The following SDK1 variants were observed in gnomAD, a reference collection of about 807,000 sequenced individuals.
SDK1 encodes sidekick cell adhesion molecule 1.
SDK1 carries 157 observed loss-of-function variants against 245.5 expected under a neutral mutation model. That is an observed-to-expected ratio of 0.64 (90% CI 0.56 to 0.73). The LOEUF (loss-of-function observed/expected upper bound fraction) is 0.73, where lower values mean the gene tolerates loss of function less well. Among genes scored for constraint, SDK1 ranks in the 30% least tolerant of loss-of-function variants. The pLI is 0.00. For missense variants in SDK1, 3,583 were observed against 3,002.3 expected (o/e 1.19, Z -4.52); for synonymous variants, 1,647 against 1,278.5 (o/e 1.29, Z -6.15).
intron 4 of SDK1, among the ~76,000 whole-genome samples, chr7:3,752,056 C>T (rs1283318162): frequency 1.3e-5 from 2 of 152,178 alleles, no homozygotes; most frequent in Non-Finnish European, 2.9e-5. Context: ...CATTTCAGAA[C>T]AAGCTTTTGG....
chr7:3,692,396 A>G (rs1419603023), intron 4 of SDK1, among the ~76,000 whole-genome samples: 3 of 152,054 alleles, frequency 2.0e-5, no homozygotes, highest in Non-Finnish European at 4.4e-5. Flanking sequence ...TGTATTTAGA[A>G]TTTGGGATCA....
chr7:3,961,116 A>G (rs1462896761), intron 8 of SDK1, among the ~76,000 whole-genome samples: 1 of 152,234 alleles, frequency 6.6e-6, no homozygotes, highest in Non-Finnish European at 1.5e-5. Flanking sequence ...AAATATAGAG[A>G]CAACAGATCT....
intron 5 of SDK1, among the ~76,000 whole-genome samples, chr7:3,853,220 G>C (rs1406432313): frequency 6.6e-6 from 1 of 152,116 alleles, no homozygotes; most frequent in Non-Finnish European, 1.5e-5. Context: ...CCATTGCAAA[G>C]ATGGAAAGTA....
At chr7:3,912,293 C>T (rs532997052) in intron 5 of SDK1, among the ~76,000 whole-genome samples, 2 of 152,274 alleles carry the variant, frequency 1.3e-5, no homozygotes, top group South Asian at 2.1e-4. Context: ...AATTTGCTTT[C>T]AGATGCTAAT....
chr7:3,639,153 G>A (rs1782566687), intron 3 of SDK1, 43 bp downstream of exon 3: 1 of 1,122,942 alleles, frequency 8.9e-7, no homozygotes, highest in Non-Finnish European at 1.3e-6. Flanking sequence ...AAAGAACAAA[G>A]TGTCGCTGGG....
chr7:3,584,770 C>A (rs1006795007), intron 1 of SDK1, among the ~76,000 whole-genome samples: 1 of 151,098 alleles, frequency 6.6e-6, no homozygotes, highest in South Asian at 2.1e-4. Flanking sequence ...GTCCCCCAGG[C>A]TGGAGTGCAG....
chr7:3,307,723 A>G (rs1020821437), intron 1 of SDK1, among the ~76,000 whole-genome samples: 3 of 152,178 alleles, frequency 2.0e-5, no homozygotes, highest in Admixed American at 2.0e-4. Flanking sequence ...TGGAAAAGAC[A>G]TTGGGCTAAG....
At chr7:3,466,479 A>G (rs575976283) in intron 1 of SDK1, among the ~76,000 whole-genome samples, 2 of 145,884 alleles carry the variant, frequency 1.4e-5, no homozygotes, top group East Asian at 4.1e-4. Flanking sequence ...AATCTCAAGG[A>G]TCCAGCTAAG....
At chr7:3,529,248 C>A (rs1015078383) in intron 1 of SDK1, among the ~76,000 whole-genome samples, 5 of 152,098 alleles carry the variant, frequency 3.3e-5, no homozygotes, top group Admixed American at 1.3e-4. Context: ...TAGGAGCAGT[C>A]AATCACTTAT....
At chr7:4,059,148 A>T (rs910093604) in intron 19 of SDK1, among the ~76,000 whole-genome samples, 4 of 137,582 alleles carry the variant, frequency 2.9e-5, no homozygotes, top group Non-Finnish European at 4.6e-5. Context: ...TGAATGGATA[A>T]AAACAAAAAC....
intron 4 of SDK1, among the ~76,000 whole-genome samples, chr7:3,694,096 T>A (rs985960188): frequency 1.3e-5 from 2 of 152,232 alleles, no homozygotes; most frequent in African/African-American, 4.8e-5. Context: ...TGCCCAAAAG[T>A]GTGCCCGATT....
chr7:3,973,594 G>C (rs1278191020), intron 12 of SDK1, among the ~76,000 whole-genome samples: 1 of 152,026 alleles, frequency 6.6e-6, no homozygotes, highest in East Asian at 1.9e-4. Flanking sequence ...CATGAGTTGG[G>C]CAATTCCACT....
chr7:4,062,698 A>T (rs573780331), intron 19 of SDK1, among the ~76,000 whole-genome samples: 2 of 152,320 alleles, frequency 1.3e-5, no homozygotes, highest in East Asian at 3.9e-4. Flanking sequence ...AGACACAAAA[A>T]TCCTCAACAA....
intron 1 of SDK1, among the ~76,000 whole-genome samples, chr7:3,478,730 C>A (rs752044534): frequency 6.6e-6 from 1 of 151,910 alleles, no homozygotes; most frequent in Non-Finnish European, 1.5e-5. Flanking sequence ...CTACCTGATT[C>A]ATGTTTATAC....
At chr7:3,776,679 T>G (rs1780574741) in intron 4 of SDK1, among the ~76,000 whole-genome samples, 1 of 150,116 alleles carries the variant, frequency 6.7e-6, no homozygotes, top group South Asian at 2.1e-4. Context: ...AAACAACCAC[T>G]AGGAAAAAGA....
chr7:3,783,574 A>G (rs1780814327), intron 4 of SDK1, among the ~76,000 whole-genome samples: 2 of 152,198 alleles, frequency 1.3e-5, no homozygotes, highest in Admixed American at 6.5e-5. Context: ...TATGCAAACA[A>G]TGAACTATCT....
At chr7:3,449,928 T>C (rs1459967226) in intron 1 of SDK1, among the ~76,000 whole-genome samples, 5 of 152,318 alleles carry the variant, frequency 3.3e-5, no homozygotes, top group Non-Finnish European at 5.9e-5. Context: ...GTGTCCAGGA[T>C]GCCATGAAAA....
intron 1 of SDK1, among the ~76,000 whole-genome samples, chr7:3,373,636 CTT>C (rs11456010): frequency 6.7e-6 from 1 of 148,450 alleles, no homozygotes; most frequent in Admixed American, 6.7e-5. Context: ...ATGTTCTGTT[CTT>C]TTTTTTTTTG....
At chr7:3,523,871 A>G (rs905705198) in intron 1 of SDK1, among the ~76,000 whole-genome samples, 2 of 151,982 alleles carry the variant, frequency 1.3e-5, no homozygotes, top group African/African-American at 4.8e-5. Flanking sequence ...TTGGTTTTCT[A>G]CCCCCTTATG....
Sources: allele counts gnomAD v4.1 joint callset (sites outside exome capture counted in the v4.1 genomes callset), GRCh38; gene constraint gnomAD v4.1.1; transcripts MANE v1.5; gene names NCBI Gene and HGNC (gene_info 2026-07-23, HGNC 2026-07-21).